The following RCAN1 variants were observed in gnomAD, a reference collection of about 807,000 sequenced individuals.
The protein encoded by RCAN1 is regulator of calcineurin 1, also known as calcipressin-1.
Under a neutral mutation model 22.9 loss-of-function variants are expected in RCAN1, and 11 were observed. The ratio of observed to expected loss-of-function variants is 0.48; its 90% CI spans 0.30 to 0.79. RCAN1 has a LOEUF of 0.79. Among genes scored for constraint, RCAN1 ranks in the 30% least tolerant of loss-of-function variants. The pLI, the probability that RCAN1 is intolerant of heterozygous loss-of-function variation, is 0.06. For missense variants in RCAN1, 291 were observed against 337.8 expected (o/e 0.86, Z 1.09); for synonymous variants, 136 against 142.3 (o/e 0.96, Z 0.32).
intron 1 of RCAN1, among the ~76,000 whole-genome samples, chr21:34,556,073 T>A (rs1446249810): frequency 1.2e-3 from 68 of 54,656 alleles, no homozygotes; most frequent in African/African-American, 4.5e-3. Context: ...AAAAAATAAA[T>A]AAATAAATAA....
chr21:34,586,679 G>A (rs770446637), intron 1 of RCAN1, among the ~76,000 whole-genome samples: 1 of 152,164 alleles, frequency 6.6e-6, no homozygotes, highest in African/African-American at 2.4e-5. Context: ...AAGGACAGGC[G>A]CAGTGGCTCA....
rs1030027084 is a variant in RCAN1, at chr21:34,530,634, T to G, written c.253-6924A>C. On this transcript the variant is annotated intron_variant, in intron 1 of 3. Transcript: ENST00000313806. ...TGAAATAGTTTTTTTTTTTTTTTTT[T>G]TTTTTTTTTGAGACAGTTTTGCTCT... 2.0e-3 allele frequency among the ~76,000 whole-genome samples: 291 copies of G among 146,552 alleles called. 3 individuals carry two copies. The highest frequency in any genetic ancestry group is 5.8e-3 in the African/African-American group (228 of 39,168).
At chr21:34,535,177 AGT>A (rs1365632213) in intron 1 of RCAN1, among the ~76,000 whole-genome samples, 3 of 152,248 alleles carry the variant, frequency 2.0e-5, no homozygotes, top group African/African-American at 7.2e-5. Flanking sequence ...TTTAAGCAAT[AGT>A]GTGATTAAAT....
intron 1 of RCAN1, among the ~76,000 whole-genome samples, chr21:34,537,724 G>A (rs987072975): frequency 3.3e-5 from 5 of 152,256 alleles, no homozygotes; most frequent in Admixed American, 6.5e-5. Flanking sequence ...AGGCGTACAG[G>A]CAGAGAAGTT....
Position 34,583,561 on chromosome 21 carries a change from G to A in RCAN1, c.252+31199C>T, listed in dbSNP as rs367857334. ...ACATAAAGGGACACTAGGCATGTGCGTGCACAGAGGGAAGACCATGTGAGG... is the reference window on the plus strand; with the variant it reads ...ACATAAAGGGACACTAGGCATGTGCATGCACAGAGGGAAGACCATGTGAGG... On this transcript the variant is annotated intron_variant, in intron 1 of 3. Transcript: ENST00000313806. Among the ~76,000 whole-genome samples, 10 of 152,298 alleles carry A rather than the reference G, an allele frequency of 6.6e-5. No individual in the cohort carries two copies. In the South Asian group the frequency reaches 1.0e-3, roughly 16 times the overall value.
chr21:34,609,192 C>T (rs1988620544), intron 1 of RCAN1, among the ~76,000 whole-genome samples: 1 of 152,210 alleles, frequency 6.6e-6, no homozygotes, highest in Non-Finnish European at 1.5e-5. Context: ...TTTTTACTTT[C>T]TACTGCCATG....
At chr21:34,598,250 T>C (rs1438282956) in intron 1 of RCAN1, among the ~76,000 whole-genome samples, 1 of 152,206 alleles carries the variant, frequency 6.6e-6, no homozygotes, top group African/African-American at 2.4e-5. Flanking sequence ...CAAATGATAC[T>C]AGCCAGGAAA....
At chr21:34,601,830 A>AG in intron 1 of RCAN1, among the ~76,000 whole-genome samples, 1 of 151,574 alleles carries the variant, frequency 6.6e-6, no homozygotes, top group East Asian at 1.9e-4. Context: ...AAAAAAAAAA[A>AG]AAAAAAAGAA....
chr21:34,526,678 G>T lies in RCAN1; in HGVS notation c.253-2968C>A, dbSNP rs146069842. 4 of 1,613,022 alleles carry T rather than the reference G, an allele frequency of 2.5e-6. No individual in the cohort carries two copies. The Admixed American group carries it at 5.0e-5, about 20-fold the overall frequency. ...GAAGCCTTACCCTGGTTTCACTTTC[G>T]CTGAAGATATCACTGTTTGCCACAC... On this transcript the variant is annotated intron_variant, in intron 1 of 3. Transcript: ENST00000313806.
chr21:34,528,272 C>A (rs990246061), intron 1 of RCAN1, among the ~76,000 whole-genome samples: 3 of 152,074 alleles, frequency 2.0e-5, no homozygotes, highest in African/African-American at 7.2e-5. Context: ...ATTTAGCCTT[C>A]CAAAAAAGGA....
At chr21:34,589,977 C>T (rs1290903423) in intron 1 of RCAN1, among the ~76,000 whole-genome samples, 1 of 152,178 alleles carries the variant, frequency 6.6e-6, no homozygotes, top group Non-Finnish European at 1.5e-5. Context: ...TTCTGTTTCC[C>T]TGGAGAACCC....
intron 1 of RCAN1, among the ~76,000 whole-genome samples, chr21:34,583,400 C>T (rs1021671773): frequency 6.6e-6 from 1 of 152,116 alleles, no homozygotes; most frequent in Non-Finnish European, 1.5e-5. Context: ...TGGTCTCAAA[C>T]GCCTGGCCTC....
At chr21:34,525,436 T>TC in intron 1 of RCAN1, 1 of 1,400,724 alleles carries the variant, frequency 7.1e-7, no homozygotes. Flanking sequence ...TCACTCTTTT[T>TC]CCCCACCTCT....
intron 1 of RCAN1, among the ~76,000 whole-genome samples, chr21:34,607,865 C>T (rs74672789): frequency 0.058 from 8,887 of 152,220 alleles, 337 homozygotes; most frequent in East Asian, 0.16. Flanking sequence ...AGGTGAGCAG[C>T]GGGTGAGCCA....
At chr21:34,566,249 A>G (rs767680011) in intron 1 of RCAN1, among the ~76,000 whole-genome samples, 8 of 152,136 alleles carry the variant, frequency 5.3e-5, no homozygotes, top group Non-Finnish European at 7.4e-5. Context: ...CTCCTAATCC[A>G]GGGTCTCCAA....
chr21:34,596,221 C>T (rs1296388399), intron 1 of RCAN1, among the ~76,000 whole-genome samples: 2 of 152,186 alleles, frequency 1.3e-5, no homozygotes, highest in African/African-American at 2.4e-5. Flanking sequence ...AAGTGCCCGG[C>T]CTTCTTAACC....
rs1412327777 is a variant in RCAN1, at chr21:34,614,944, C to T, written c.68G>A (p.Arg23Gln). The T allele has an allele frequency of 2.5e-6, 3 of 1,203,460 alleles. No individual in the cohort carries two copies. The highest frequency in any genetic ancestry group is 3.1e-5 in the South Asian group (1 of 32,448). The allele number at this position is 1,203,460 out of a possible 1,614,324, so 74.5% of individuals were successfully genotyped here. A position where few individuals can be genotyped will look rare whatever the true frequency, so the allele number is the denominator to read the frequency against. Residue 23 changes from arginine (R) to glutamine (Q), a missense_variant, in exon 1 of 4, where the codon CGA becomes CAA. By Grantham distance (43) the Arg-to-Gln change is conservative. Transcript: ENST00000313806. This position sits in a 1 kb window ranked among gnomAD's most constrained non-coding sequence, Gnocchi z 6.0. ...AAEAAEAAEA[R>Q]ARPGVTLRPF... Reference sequence around the variant, plus strand: ...CCGCAGCGTCACCCCGGGCCGCGCTCGCGCCTCGGCCGCCTCCGCCGCCTC... The same window carrying T: ...CCGCAGCGTCACCCCGGGCCGCGCTTGCGCCTCGGCCGCCTCCGCCGCCTC...
At chr21:34,539,975 T>C (rs564556222) in intron 1 of RCAN1, among the ~76,000 whole-genome samples, 3 of 152,332 alleles carry the variant, frequency 2.0e-5, no homozygotes, top group African/African-American at 7.2e-5. Flanking sequence ...GGGACACTCA[T>C]CTGAATTGTT....
intron 1 of RCAN1, among the ~76,000 whole-genome samples, chr21:34,532,634 A>G (rs1985450154): frequency 6.6e-6 from 1 of 152,246 alleles, no homozygotes; most frequent in African/African-American, 2.4e-5. Flanking sequence ...TACTTTGATC[A>G]CATAGAACTA....
Sources: gnomAD v4.1 joint callset for allele counts (sites outside exome capture counted in the v4.1 genomes callset) on GRCh38, gnomAD v4.1.1 for gene constraint, Gnocchi (gnomAD v3.1) non-coding constraint, MANE v1.5 for transcripts, NCBI Gene and HGNC (gene_info 2026-07-23, HGNC 2026-07-21) for gene names.